The following PROM1 variants were observed in gnomAD, a reference collection of about 807,000 sequenced individuals.
PROM1 encodes prominin 1.
PROM1 carries 105 observed loss-of-function variants against 116.9 expected under a neutral mutation model. The ratio of observed to expected loss-of-function variants is 0.90; its 90% CI spans 0.77 to 1.06. The LOEUF (loss-of-function observed/expected upper bound fraction) is 1.06, where lower values mean the gene tolerates loss of function less well. Among genes scored for constraint, PROM1 ranks in the 50% least tolerant of loss-of-function variants. The probability of loss-of-function intolerance (pLI) is 0.00; values close to 1 mark genes in which losing one functional copy is unlikely to be tolerated. For synonymous variants in PROM1, 393 were observed against 387.0 expected, an observed-to-expected ratio of 1.02 and a Z score of -0.18; for missense variants, 1,122 against 1,045.2, an observed-to-expected ratio of 1.07 and a Z score of -1.01.
chr4:15,994,136 G>A (rs1160844405), intron 15 of PROM1, 65 bp from the exon 16 acceptor site: 1 of 1,603,504 alleles, frequency 6.2e-7, no homozygotes, highest in East Asian at 2.2e-5. Context: ...GTCCACCACT[G>A]AAGATGAGGA....
intron 1 of PROM1, among the ~76,000 whole-genome samples, chr4:16,081,813 GTC>G (rs1299583515): frequency 6.6e-6 from 1 of 151,980 alleles, no homozygotes; most frequent in East Asian, 1.9e-4. Flanking sequence ...CAAAGAAACT[GTC>G]TCGTATAAAA....
chr4:15,974,118 T>TC (rs1715450315), intron 26 of PROM1, among the ~76,000 whole-genome samples: 7 of 149,360 alleles, frequency 4.7e-5, no homozygotes, highest in African/African-American at 1.2e-4. Flanking sequence ...CTCTCTCTCT[T>TC]TCTCTCTCTC....
intron 11 of PROM1, among the ~76,000 whole-genome samples, chr4:16,009,463 G>A (rs962332748): frequency 1.3e-5 from 2 of 152,162 alleles, no homozygotes; most frequent in African/African-American, 4.8e-5. Flanking sequence ...CACTGAGGTA[G>A]ATATTCTCAT....
intron 2 of PROM1, among the ~76,000 whole-genome samples, chr4:16,046,056 A>T (rs543600526): frequency 6.6e-6 from 1 of 152,358 alleles, no homozygotes; most frequent in East Asian, 1.9e-4. Flanking sequence ...TCCTGGGAAT[A>T]GTGCATCAGA....
intron 3 of PROM1, among the ~76,000 whole-genome samples, chr4:16,037,685 T>A (rs1034035775): frequency 6.6e-6 from 1 of 152,146 alleles, no homozygotes; most frequent in African/African-American, 2.4e-5. Context: ...ACAAAGTGCT[T>A]TACTTACCGA....
Position 16,000,620 on chromosome 4 carries a change from C to T in PROM1, c.1455-1G>A, listed in dbSNP as rs1723543163. ...AAAGAGGAAACTTAATCCAACTCCA[C>T]TGGAAAAAAATATAAAGTTAGTAAT... On this transcript the variant is annotated splice_acceptor_variant, in intron 13 of 27. Coordinates refer to ENST00000447510, the MANE Select transcript of PROM1 (RefSeq NM_006017.3). LOFTEE classifies it high-confidence loss of function. 1 of 1,549,038 alleles carries T rather than the reference C, an allele frequency of 6.5e-7. No homozygotes were observed. The highest frequency in any genetic ancestry group is 8.8e-7 in the Non-Finnish European group (1 of 1,136,502).
intron 26 of PROM1, among the ~76,000 whole-genome samples, chr4:15,973,187 G>A (rs754321751): frequency 1.3e-5 from 2 of 152,174 alleles, no homozygotes; most frequent in South Asian, 2.1e-4. Context: ...CTGGCCAAGC[G>A]CAGTGGCTCA....
intron 8 of PROM1, among the ~76,000 whole-genome samples, chr4:16,021,879 C>T (rs1729989464): frequency 6.6e-6 from 1 of 152,144 alleles, no homozygotes; most frequent in African/African-American, 2.4e-5. Flanking sequence ...CCCCCAGATT[C>T]GTATGTTGAA....
intron 14 of PROM1, among the ~76,000 whole-genome samples, 160 bp from the exon 15 acceptor site, chr4:15,998,648 T>A (rs1485319698): frequency 2.0e-5 from 3 of 152,224 alleles, no homozygotes; most frequent in Non-Finnish European, 4.4e-5. Context: ...ATAGTATAAT[T>A]GGAATAAATC....
At chr4:16,018,586 C>G (rs1364276952) in intron 8 of PROM1, 46 bp from the exon 9 acceptor site, 1 of 1,522,820 alleles carries the variant, frequency 6.6e-7, no homozygotes, top group East Asian at 2.4e-5. Context: ...CAAGTCCCTC[C>G]TCATCTACAA....
At chr4:16,029,406 C>CA (rs1214731675) in intron 5 of PROM1, among the ~76,000 whole-genome samples, 5 of 150,612 alleles carry the variant, frequency 3.3e-5, no homozygotes. Context: ...GCAGCGGTGA[C>CA]AAGCAAAAAG....
chr4:16,028,683 C>CA (rs1731974127), intron 5 of PROM1, among the ~76,000 whole-genome samples: 1 of 139,752 alleles, frequency 7.2e-6, no homozygotes, highest in Non-Finnish European at 1.5e-5. Flanking sequence ...GAACAACCTC[C>CA]AGTCAATTAT....
chr4:16,071,127 T>C (rs1742704644), intron 2 of PROM1, among the ~76,000 whole-genome samples: 2 of 152,154 alleles, frequency 1.3e-5, no homozygotes, highest in African/African-American at 2.4e-5. Context: ...GAATTCATTA[T>C]TACCTCCCTC....
In PROM1 at chr4:15,980,402, G is replaced by A. The variant is rs370154531; in HGVS notation, c.2489+20C>T. On this transcript the variant is annotated intron_variant, in intron 24 of 27. Transcript: ENST00000447510. Reference sequence around the variant, plus strand: ...CACCTAGAAAATGACCCCCACGTCTGTGGAAGCCCACATACTTACTCATCG... The same window carrying A: ...CACCTAGAAAATGACCCCCACGTCTATGGAAGCCCACATACTTACTCATCG... 15 of 1,481,878 alleles carry A rather than the reference G, an allele frequency of 1.0e-5. No individual in the cohort carries two copies. The African/African-American group carries it at 2.0e-4, about 19-fold the overall frequency. The allele number at this position is 1,481,878 out of a possible 1,614,324, so 91.8% of individuals were successfully genotyped here. A position where few individuals can be genotyped will look rare whatever the true frequency, so the allele number is the denominator to read the frequency against.
At position 16,006,714 on chromosome 4, in the gene PROM1, G is replaced by T. The variant is rs1725597280; in HGVS notation, c.1302-24C>A. The stretch of plus-strand genomic sequence containing the variant: ...ACCTGGAGAGGCAAGCACAGTGTTA[G>T]TATACATGACACAGGTGACGCCACC... On this transcript the variant is annotated intron_variant, in intron 12 of 27. Coordinates refer to ENST00000447510, the MANE Select transcript of PROM1 (RefSeq NM_006017.3). The T allele has an allele frequency of 1.9e-6, 3 of 1,610,480 alleles. No individual in the cohort carries two copies. The East Asian group carries it at 6.7e-5, about 36-fold the overall frequency.
intron 26 of PROM1, among the ~76,000 whole-genome samples, chr4:15,972,679 A>G (rs1299527242): frequency 1.3e-5 from 2 of 152,182 alleles, no homozygotes; most frequent in African/African-American, 4.8e-5. Context: ...TGAGACCATA[A>G]CTGGAGGATA....
intron 2 of PROM1, among the ~76,000 whole-genome samples, chr4:16,061,641 C>G (rs1360034894): frequency 6.6e-6 from 1 of 152,134 alleles, no homozygotes; most frequent in Non-Finnish European, 1.5e-5. Flanking sequence ...GCTCATTTAT[C>G]CACTTATGGG....
chr4:16,025,356 T>G (rs375816490), intron 5 of PROM1, 44 bp from the exon 6 acceptor site: 30 of 1,607,806 alleles, frequency 1.9e-5, no homozygotes, highest in Non-Finnish European at 2.4e-5. Context: ...TACTGTGTGG[T>G]CCATGGTTCT....
chr4:16,077,630 T>C (rs1021015237), intron 1 of PROM1, among the ~76,000 whole-genome samples: 2 of 152,068 alleles, frequency 1.3e-5, no homozygotes, highest in South Asian at 4.1e-4. Flanking sequence ...ACCCACCCCT[T>C]CAATTAACCA....
Sources: allele counts gnomAD v4.1 joint callset (sites outside exome capture counted in the v4.1 genomes callset), GRCh38; gene constraint gnomAD v4.1.1; transcripts MANE v1.5; gene names NCBI Gene and HGNC (gene_info 2026-07-23, HGNC 2026-07-21).